The following DMRT1 variants were observed in gnomAD, a reference collection of about 807,000 sequenced individuals.
DMRT1 encodes doublesex and mab-3 related transcription factor 1.
In DMRT1, 7 loss-of-function variants were observed where a neutral mutation model predicts 32.3. The observed-to-expected ratio is 0.22, with a 90% CI of 0.12 to 0.41. The LOEUF (loss-of-function observed/expected upper bound fraction) is 0.41. DMRT1 is among the 10% of genes least tolerant of loss of function. The pLI is 1.00. For missense variants in DMRT1, 625 were observed against 500.5 expected, an observed-to-expected ratio of 1.25 and a Z score of -2.37; for synonymous variants, 278 against 206.1, an observed-to-expected ratio of 1.35 and a Z score of -2.99.
intron 2 of DMRT1, among the ~76,000 whole-genome samples, chr9:849,757 C>T (rs1475428425): frequency 1.3e-5 from 2 of 151,642 alleles, no homozygotes; most frequent in African/African-American, 2.4e-5. Flanking sequence ...TGCTCATTTG[C>T]TCAGGCACAG....
chr9:917,948 T>C (rs1315473967), intron 4 of DMRT1, among the ~76,000 whole-genome samples: 2 of 152,344 alleles, frequency 1.3e-5, no homozygotes, highest in Middle Eastern at 3.4e-3. Flanking sequence ...AGAATCACTT[T>C]CCGTTGGGAG....
At chr9:946,190 T>C (rs962284039) in intron 4 of DMRT1, among the ~76,000 whole-genome samples, 1 of 152,044 alleles carries the variant, frequency 6.6e-6, no homozygotes, top group African/African-American at 2.4e-5. Context: ...GCAATTGTGC[T>C]GGTGTTTTTC....
intron 2 of DMRT1, among the ~76,000 whole-genome samples, chr9:880,724 C>CAAAAA (rs754419367): frequency 4.1e-4 from 25 of 61,356 alleles, no homozygotes; most frequent in Admixed American, 5.3e-4. Flanking sequence ...AACTCAGTCT[C>CAAAAA]AAAAAAAAAA....
intron 4 of DMRT1, among the ~76,000 whole-genome samples, chr9:949,398 A>G (rs1348940500): frequency 6.6e-6 from 1 of 151,778 alleles, no homozygotes; most frequent in Non-Finnish European, 1.5e-5. Flanking sequence ...CCCACAAAAA[A>G]CTTTTCTGAA....
intron 4 of DMRT1, among the ~76,000 whole-genome samples, chr9:938,021 A>G (rs1300175286): frequency 2.0e-5 from 3 of 152,022 alleles, no homozygotes; most frequent in Non-Finnish European, 4.4e-5. Context: ...TGATTTTTGT[A>G]TACAATGTAA....
chr9:910,410 G>A (rs1030393337), intron 3 of DMRT1, among the ~76,000 whole-genome samples: 2 of 151,482 alleles, frequency 1.3e-5, no homozygotes, highest in African/African-American at 2.4e-5. Flanking sequence ...TGACAATTTG[G>A]TCTTCACAAA....
chr9:948,903 AAATAATAAT>A lies in DMRT1; in HGVS notation c.968-19047_968-19039del, dbSNP rs57959311. 5.7e-3 allele frequency among the ~76,000 whole-genome samples: 780 copies of A among 137,718 alleles called. 3 individuals are homozygous for A. Among genetic ancestry groups the A allele is most frequent in the East Asian group, 0.011 (53 of 4,722 alleles). The allele number at this position is 137,718 out of a possible 152,430, so 90.3% of individuals were successfully genotyped here. The stretch of plus-strand genomic sequence containing the variant: ...AAACTCTGTCTCTACTAAAAATACA[AAATAATAAT>A]AATAATAATAATAATAATAATAATA... On this transcript the variant is annotated intron_variant, in intron 4 of 4. Coordinates refer to ENST00000382276, the MANE Select transcript of DMRT1 (RefSeq NM_021951.3).
intron 2 of DMRT1, among the ~76,000 whole-genome samples, chr9:877,263 C>T (rs1004667103): frequency 6.6e-5 from 10 of 152,126 alleles, no homozygotes; most frequent in African/African-American, 2.4e-4. Flanking sequence ...TGAGTGGTCT[C>T]GTTCCCAGGA....
At chr9:932,752 T>C (rs1818765426) in intron 4 of DMRT1, among the ~76,000 whole-genome samples, 1 of 152,000 alleles carries the variant, frequency 6.6e-6, no homozygotes, top group Admixed American at 6.6e-5. Context: ...GTTCCTACAA[T>C]CCCCCTTTTG....
chr9:892,659 C>T (rs1817197080), intron 2 of DMRT1, among the ~76,000 whole-genome samples: 1 of 152,162 alleles, frequency 6.6e-6, no homozygotes, highest in African/African-American at 2.4e-5. Context: ...TTGCCCTAAG[C>T]AGTTGCCCTT....
chr9:847,033 C>T lies in DMRT1; in HGVS notation c.428C>T (p.Ala143Val). The T allele has an allele frequency of 6.2e-7, 1 of 1,614,132 alleles. No individual in the cohort carries two copies. The highest frequency in any genetic ancestry group is 8.5e-7 in the Non-Finnish European group (1 of 1,180,044). Residue 143 changes from alanine to valine, a missense_variant, in exon 2 of 5, where the codon GCC (alanine) becomes GTC (valine). Around this residue, in one of 3 missense-constraint regions of DMRT1, gnomAD observed 416 missense variants for 321.6 expected, o/e 1.29. Transcript: ENST00000382276. ...CACCCCATCCCACTGCCCAGTGCGG[C>T]CGAGCTGCTTGTCAAAAGAGAGAAC... ...ISHPIPLPSA[A>V]ELLVKRENNG...
chr9:860,496 T>A (rs140653965), intron 2 of DMRT1, among the ~76,000 whole-genome samples: 60 of 152,302 alleles, frequency 3.9e-4, no homozygotes, highest in African/African-American at 1.3e-3. Context: ...TCTTTATTCG[T>A]TCAACAAATG....
At chr9:952,875 G>A (rs998421370) in intron 4 of DMRT1, among the ~76,000 whole-genome samples, 4 of 152,148 alleles carry the variant, frequency 2.6e-5, no homozygotes, top group African/African-American at 9.7e-5. Context: ...CCAAATGTTG[G>A]CGTGTTGGTT....
At chr9:859,739 A>G (rs1425038585) in intron 2 of DMRT1, among the ~76,000 whole-genome samples, 1 of 152,202 alleles carries the variant, frequency 6.6e-6, no homozygotes, top group Non-Finnish European at 1.5e-5. Context: ...ATACCACTGA[A>G]CATGCTTTCC....
chr9:887,824 C>G (rs1387524605), intron 2 of DMRT1, among the ~76,000 whole-genome samples: 1 of 152,120 alleles, frequency 6.6e-6, no homozygotes, highest in Non-Finnish European at 1.5e-5. Context: ...CAGTTTGCAC[C>G]TAATTTCCCC....
chr9:894,260 T>G (rs1361682371), intron 3 of DMRT1, 65 bp downstream of exon 3: 1 of 1,549,946 alleles, frequency 6.5e-7, no homozygotes, highest in African/African-American at 1.4e-5. Context: ...TGCACACACA[T>G]GCACATACAC....
chr9:911,703 G>C (rs1817994677), intron 3 of DMRT1, among the ~76,000 whole-genome samples: 1 of 151,958 alleles, frequency 6.6e-6, no homozygotes, highest in African/African-American at 2.4e-5. Context: ...TGTTGGTCAG[G>C]CTGGTCTTGA....
chr9:857,112 C>G (rs74738504), intron 2 of DMRT1, among the ~76,000 whole-genome samples: 15 of 151,912 alleles, frequency 9.9e-5, no homozygotes, highest in African/African-American at 3.6e-4. Flanking sequence ...GTCAGGAGTT[C>G]GAAACCAGCC....
chr9:938,635 T>C (rs1217929812), intron 4 of DMRT1, among the ~76,000 whole-genome samples: 5 of 152,232 alleles, frequency 3.3e-5, no homozygotes, highest in Non-Finnish European at 5.9e-5. Context: ...ATTAGCTCTA[T>C]CAGTTTTTTT....
Sources: allele counts gnomAD v4.1 joint callset (sites outside exome capture counted in the v4.1 genomes callset), GRCh38; gene constraint gnomAD v4.1.1; regional missense constraint gnomAD v4.1.1; transcripts MANE v1.5; gene names NCBI Gene and HGNC (gene_info 2026-07-23, HGNC 2026-07-21).